PRDM16: variants seen among roughly 807,000 people sequenced by gnomAD.
PRDM16 encodes the protein histone-lysine N-methyltransferase PRDM16.
Under a neutral mutation model 110.6 loss-of-function variants are expected in PRDM16, and 23 were observed. That is an observed-to-expected ratio of 0.21 (90% CI 0.15 to 0.29). PRDM16 has a LOEUF of 0.29. Among genes scored for constraint, PRDM16 ranks in the 10% least tolerant of loss-of-function variants. The pLI, the probability that PRDM16 is intolerant of heterozygous loss-of-function variation, is 1.00. For synonymous variants in PRDM16, 799 were observed against 781.8 expected, an observed-to-expected ratio of 1.02 and a Z score of -0.37; for missense variants, 1,615 against 1,794.3, an observed-to-expected ratio of 0.90 and a Z score of 1.81.
At chr1:3,281,538 G>A (rs1475159081) in intron 3 of PRDM16, among the ~76,000 whole-genome samples, 1 of 152,242 alleles carries the variant, frequency 6.6e-6, no homozygotes, top group Non-Finnish European at 1.5e-5. Flanking sequence ...GATTAGCTAT[G>A]ATCGGTTTGA....
Position 3,213,280 on chromosome 1 carries a change from A to G in PRDM16, c.387+26806A>G, listed in dbSNP as rs941363045. On this transcript the variant is annotated intron_variant, in intron 2 of 16. Coordinates refer to ENST00000270722, the MANE Select transcript of PRDM16 (RefSeq NM_022114.4). This position sits in a 1 kb window ranked among gnomAD's most constrained non-coding sequence, Gnocchi z 5.3. ...CTTCCCAAATCTTTATGAATTAAAC[A>G]TGGCATGTCCATCAAGTCATAGAGA... Among the ~76,000 whole-genome samples, 6 of 150,040 alleles carry G rather than the reference A, an allele frequency of 4.0e-5. No individual in the cohort carries two copies. The highest frequency in any genetic ancestry group is 1.5e-4 in the African/African-American group (6 of 40,778).
intron 1 of PRDM16, among the ~76,000 whole-genome samples, chr1:3,070,382 G>A (rs2100498018): frequency 6.8e-6 from 1 of 147,806 alleles, no homozygotes; most frequent in South Asian, 2.1e-4. Context: ...CGCCATCCGC[G>A]GTGAGGCGGG....
At chr1:3,256,379 C>T (rs1640045522) in intron 3 of PRDM16, among the ~76,000 whole-genome samples, 1 of 152,148 alleles carries the variant, frequency 6.6e-6, no homozygotes, top group Admixed American at 6.5e-5. Context: ...TAACCATGAC[C>T]CCTCAGGTCA....
At chr1:3,094,443 A>C (rs1304644683) in intron 1 of PRDM16, among the ~76,000 whole-genome samples, 1 of 152,234 alleles carries the variant, frequency 6.6e-6, no homozygotes, top group East Asian at 1.9e-4. Context: ...AGGCCTGCTC[A>C]TGCCGGACTG....
At chr1:3,396,895 T>C (rs1643394731) in intron 5 of PRDM16, among the ~76,000 whole-genome samples, 1 of 152,238 alleles carries the variant, frequency 6.6e-6, no homozygotes, top group African/African-American at 2.4e-5. Context: ...CAGTGGATTA[T>C]GTCTTTGCAA....
rs778473598 is a variant in PRDM16 at position 3,390,658 on chromosome 1, G to A, written c.573+5372G>A. ...ACCAGGTGTCTCTCGGGTCGGCGGA[G>A]GGCATTTCTCTTTTGCTTTGCTGTC... On this transcript the variant is annotated intron_variant, in intron 4 of 16. Transcript: ENST00000270722. This position sits in a 1 kb window ranked among gnomAD's most constrained non-coding sequence, Gnocchi z 5.0. Among the ~76,000 whole-genome samples the A allele has an allele frequency of 6.6e-6, 1 of 152,136 alleles. No homozygotes were observed. The highest frequency in any genetic ancestry group is 1.5e-5 in the Non-Finnish European group (1 of 68,026).
intron 1 of PRDM16, among the ~76,000 whole-genome samples, chr1:3,116,266 G>A (rs773708834): frequency 2.2e-4 from 33 of 152,302 alleles, no homozygotes; most frequent in Non-Finnish European, 3.1e-4. Flanking sequence ...TCTCATGGGG[G>A]GACAGTAGGC....
At chr1:3,274,020 C>T (rs978201385) in intron 3 of PRDM16, among the ~76,000 whole-genome samples, 6 of 149,006 alleles carry the variant, frequency 4.0e-5, no homozygotes, top group Non-Finnish European at 8.9e-5. Flanking sequence ...GGGAACCAGC[C>T]GCATCCATCT....
At chr1:3,120,619 C>T (rs547377900) in intron 1 of PRDM16, among the ~76,000 whole-genome samples, 255 of 152,332 alleles carry the variant, frequency 1.7e-3, no homozygotes, top group African/African-American at 5.8e-3. Flanking sequence ...CCCCTGTCCC[C>T]GGCAGCCCCC....
intron 1 of PRDM16, among the ~76,000 whole-genome samples, chr1:3,134,286 G>T (rs539416207): frequency 6.6e-6 from 1 of 152,246 alleles, no homozygotes. Context: ...AGCTTCCCTG[G>T]AACATAGTGC....
rs538310196 is a variant in PRDM16 at position 3,415,630 on chromosome 1, C to T, written c.2691+983C>T. ...CGTTTGTTTGTGCGGGGAGCGAGGC[C>T]GGGAATATCTGATCGGGCGGAGCAA... On this transcript the variant is annotated intron_variant, in intron 10 of 16. Transcript: ENST00000270722. 1.6e-3 allele frequency among the ~76,000 whole-genome samples: 250 copies of T among 152,340 alleles called. 1 individual carries two copies. Among genetic ancestry groups the T allele is most frequent in the African/African-American group, 5.6e-3 (231 of 41,582 alleles).
intron 1 of PRDM16, among the ~76,000 whole-genome samples, chr1:3,092,873 T>G (rs1485174902): frequency 6.6e-6 from 1 of 152,124 alleles, no homozygotes; most frequent in Non-Finnish European, 1.5e-5. Flanking sequence ...GGGGAAGATT[T>G]GCAGCTGTGG....
At chr1:3,322,123 A>C (rs1262139632) in intron 3 of PRDM16, among the ~76,000 whole-genome samples, 1 of 149,278 alleles carries the variant, frequency 6.7e-6, no homozygotes, top group Non-Finnish European at 1.5e-5. Context: ...TGATATGCAC[A>C]ATGTGTGGGT....
intron 3 of PRDM16, among the ~76,000 whole-genome samples, chr1:3,294,973 G>T (rs757095210): frequency 6.6e-6 from 1 of 152,182 alleles, no homozygotes; most frequent in African/African-American, 2.4e-5. Context: ...ATCTTCCCCC[G>T]CCTGGTCACT....
intron 8 of PRDM16, among the ~76,000 whole-genome samples, chr1:3,406,530 G>A (rs1406272262): frequency 1.3e-5 from 2 of 151,506 alleles, no homozygotes; most frequent in Admixed American, 1.3e-4. Context: ...AGGAGTTCAA[G>A]ACCAGCCTGA....
At chr1:3,221,994 G>C (rs34313490) in intron 2 of PRDM16, among the ~76,000 whole-genome samples, 1 of 152,080 alleles carries the variant, frequency 6.6e-6, no homozygotes, top group Non-Finnish European at 1.5e-5. Flanking sequence ...GTAGTCTCGC[G>C]TCTTATCTGC....
At chr1:3,324,695 G>A (rs1641846910) in intron 3 of PRDM16, among the ~76,000 whole-genome samples, 1 of 151,976 alleles carries the variant, frequency 6.6e-6, no homozygotes, top group Non-Finnish European at 1.5e-5. Context: ...ACTCCATGGG[G>A]TCAGGATCTA....
At chr1:3,280,844 G>T (rs750055206) in intron 3 of PRDM16, among the ~76,000 whole-genome samples, 4 of 152,190 alleles carry the variant, frequency 2.6e-5, no homozygotes, top group Non-Finnish European at 2.9e-5. Context: ...TCAAAGTGGG[G>T]TTCTCACAGC....
chr1:3,426,864 G>A (rs143432677), intron 14 of PRDM16, among the ~76,000 whole-genome samples: 196 of 152,266 alleles, frequency 1.3e-3, no homozygotes, highest in Non-Finnish European at 2.3e-3. Flanking sequence ...TCTGGGCATG[G>A]GCAGTCCAGG....
Sources: gnomAD v4.1 joint callset for allele counts (sites outside exome capture counted in the v4.1 genomes callset) on GRCh38, gnomAD v4.1.1 for gene constraint, Gnocchi (gnomAD v3.1) non-coding constraint, MANE v1.5 for transcripts, NCBI Gene and HGNC (gene_info 2026-07-23, HGNC 2026-07-21) for gene names.